ELFN2: variants seen among roughly 807,000 people sequenced by gnomAD.
ELFN2 encodes extracellular leucine rich repeat and fibronectin type III domain containing 2.
A neutral mutation model predicts 45.5 loss-of-function variants in ELFN2; 17 were observed. The observed-to-expected ratio is 0.37, with a 90% confidence interval of 0.26 to 0.56. The LOEUF is 0.56. Ranked by LOEUF, ELFN2 falls within the 20% of genes least tolerant of loss-of-function variation. The pLI, the probability that ELFN2 is intolerant of heterozygous loss-of-function variation, is 0.77. For synonymous variants in ELFN2, 550 were observed against 551.5 expected (o/e 1.00, Z 0.04); for missense variants, 922 against 1,183.2 (o/e 0.78, Z 3.24).
At chr22:37,351,237 C>G (rs1239536644) in intron 1 of ELFN2, among the ~76,000 whole-genome samples, 1 of 149,128 alleles carries the variant, frequency 6.7e-6, no homozygotes, top group Non-Finnish European at 1.5e-5. Context: ...CTCCTCCTCA[C>G]TGTCTTCTCC....
At position 37,383,921 on chromosome 22, in the gene ELFN2, C is replaced by T. The variant is rs369161510; in HGVS notation, c.-462-7925G>A. On this transcript the variant is annotated intron_variant, in intron 2 of 2. Transcript: ENST00000402918. ...CTGGGCCGCTGAGCCGCAGTGTGAC[C>T]TCGGGCAAGTCAGCACCTCATTTCC... 5.9e-5 allele frequency among the ~76,000 whole-genome samples: 9 copies of T among 152,274 alleles called. 1 individual carries two copies. The highest frequency in any genetic ancestry group is 2.2e-4 in the African/African-American group (9 of 41,542).
intron 1 of ELFN2, among the ~76,000 whole-genome samples, chr22:37,349,508 A>G (rs989030513): frequency 2.0e-5 from 3 of 151,140 alleles, no homozygotes; most frequent in Admixed American, 2.0e-4. Context: ...CTACAGCCAC[A>G]CACTCCAATC....
In ELFN2 at chr22:37,373,681, C is replaced by A. The variant is rs1012891029; in HGVS notation, c.1854G>T (p.Leu618=). The A allele has an allele frequency of 6.4e-7, 1 of 1,568,058 alleles. No homozygotes were observed. The highest frequency in any genetic ancestry group is 8.6e-7 in the Non-Finnish European group (1 of 1,160,106). Residue 618 remains leucine, a synonymous_variant, in exon 3 of 3, where the codon CTG becomes CTT. Coordinates refer to ENST00000402918, the MANE Select transcript of ELFN2 (RefSeq NM_052906.5). ...TGCGGGTCACGGCCGCGTCGGCGCT[C>A]AGCTGGCGCTGTAGTGGGTGGTGGG... The part of the protein sequence containing the change: ...ESSHHPLQRQ[L]SADAAVTRKT...
chr22:37,363,623 G>A (rs1931137354), downstream of ELFN2, among the ~76,000 whole-genome samples: 1 of 152,188 alleles, frequency 6.6e-6, no homozygotes, highest in Admixed American at 6.5e-5. Context: ...GGGGCCCTAG[G>A]CCTAGGGAAG....
intron 2 of ELFN2, among the ~76,000 whole-genome samples, chr22:37,392,106 C>T (rs1268891194): frequency 2.6e-5 from 4 of 152,274 alleles, no homozygotes; most frequent in Middle Eastern, 3.4e-3. Context: ...ACAGAAGCAC[C>T]GTCCATCTTA....
intron 1 of ELFN2, among the ~76,000 whole-genome samples, chr22:37,361,193 C>T (rs1423460858): frequency 6.6e-6 from 1 of 152,118 alleles, no homozygotes; most frequent in African/African-American, 2.4e-5. Flanking sequence ...TGAGTTGACC[C>T]TCAGAGCAAG....
rs373147012 is a variant in ELFN2, at chr22:37,388,616, A to AG, written c.-462-12621dup. Among the ~76,000 whole-genome samples, 31 of 152,184 alleles carry AG rather than the reference A, an allele frequency of 2.0e-4. 1 individual carries two copies. Among genetic ancestry groups the AG allele is most frequent in the Middle Eastern group, 6.8e-3 (2 of 294 alleles). The stretch of plus-strand genomic sequence containing the variant: ...CTTCTGCTCCCTGGGGAAGTCGGGG[A>AG]GGGGTCAGCTTTTGCACAGATCTCA... On this transcript the variant is annotated intron_variant, in intron 2 of 2. Coordinates refer to ENST00000402918, the MANE Select transcript of ELFN2 (RefSeq NM_052906.5).
chr22:37,349,205 C>T (rs1569124777), intron 1 of ELFN2, among the ~76,000 whole-genome samples: 1 of 151,404 alleles, frequency 6.6e-6, no homozygotes, highest in South Asian at 2.1e-4. Context: ...AGCCCCGCCA[C>T]TTAGCTGTCG....
intron 1 of ELFN2, among the ~76,000 whole-genome samples, chr22:37,362,248 G>C (rs574873376): frequency 3.5e-4 from 54 of 152,264 alleles, no homozygotes; most frequent in Non-Finnish European, 7.2e-4. Flanking sequence ...CTGTGGCAGG[G>C]ACCCCCTTAA....
chr22:37,423,532 C>A lies in ELFN2; in HGVS notation c.-614+3766G>T, dbSNP rs550415977. Among the ~76,000 whole-genome samples the A allele has an allele frequency of 1.8e-3, 269 of 152,276 alleles. 2 individuals carry two copies. Among genetic ancestry groups the A allele is most frequent in the Non-Finnish European group, 1.1e-3 (73 of 68,030 alleles). On this transcript the variant is annotated intron_variant, in intron 1 of 2. Transcript: ENST00000402918. ...TGTGTGGCCCTGGACTGGTCTGTAA[C>A]CTCTCTGTTTCTTGTCTTCAAAATG...
At chr22:37,360,036 T>C (rs1440098732) in intron 1 of ELFN2, among the ~76,000 whole-genome samples, 4 of 152,220 alleles carry the variant, frequency 2.6e-5, no homozygotes, top group African/African-American at 9.7e-5. Context: ...CTTCCGGGTA[T>C]TGCTATAGAC....
chr22:37,419,325 C>CTA (rs1423112975), intron 1 of ELFN2, among the ~76,000 whole-genome samples: 3 of 151,776 alleles, frequency 2.0e-5, no homozygotes, highest in Non-Finnish European at 1.5e-5. Context: ...GAGGCACACA[C>CTA]TATACCCTAA....
At chr22:37,356,574 C>A (rs1215339354) in intron 1 of ELFN2, among the ~76,000 whole-genome samples, 1 of 152,148 alleles carries the variant, frequency 6.6e-6, no homozygotes, top group African/African-American at 2.4e-5. Context: ...CAGGCGTGAA[C>A]GTCTTTCCTC....
chr22:37,341,762 G>A (rs1164148484), intron 2 of ELFN2, among the ~76,000 whole-genome samples: 1 of 152,196 alleles, frequency 6.6e-6, no homozygotes, highest in Non-Finnish European at 1.5e-5. Context: ...TACTGGTTTC[G>A]TTGGTGAACT....
In ELFN2 at chr22:37,374,137, G is replaced by T; in HGVS notation, c.1398C>A (p.Pro466=). The T allele has an allele frequency of 6.2e-7, 1 of 1,612,972 alleles. No homozygotes were observed. The part of the protein sequence containing the change: ...AQKLGEPPVL[P]VSRMASIPSM... ...AGGGGATGGAGGCCATGCGAGATAC[G>T]GGCAGCACGGGAGGCTCGCCCAGCT... is the stretch of plus-strand genomic sequence containing the variant. Residue 466 remains proline, a synonymous_variant, in exon 3 of 3, where the codon CCC becomes CCA. Coordinates refer to ENST00000402918, the MANE Select transcript of ELFN2 (RefSeq NM_052906.5).
At position 37,350,298 on chromosome 22, in the gene ELFN2, G is replaced by T. The variant is rs145572635; in HGVS notation, n.149-7595C>A. On this transcript the variant is annotated intron_variant and non_coding_transcript_variant, in intron 1 of 2. Transcript: ENST00000452946. Reference sequence around the variant, plus strand: ...GGAGCCAAGGAAATGATTCAGTTTTGTTCCTGGAGGCAAAAGAAGTTCCAT... The same window carrying T: ...GGAGCCAAGGAAATGATTCAGTTTTTTTCCTGGAGGCAAAAGAAGTTCCAT... 2.7e-3 allele frequency among the ~76,000 whole-genome samples: 409 copies of T among 151,014 alleles called. 29 individuals carry two copies. Among genetic ancestry groups the T allele is most frequent in the Non-Finnish European group, 4.6e-3 (311 of 67,240 alleles).
At chr22:37,402,330 C>A (rs9306317) in intron 2 of ELFN2, among the ~76,000 whole-genome samples, 6 of 152,036 alleles carry the variant, frequency 3.9e-5, no homozygotes, top group South Asian at 2.1e-4. Flanking sequence ...TGGCAGACTC[C>A]GTGTTGACAC....
In ELFN2 at chr22:37,349,509, C is replaced by T. The variant is rs1204828535; in HGVS notation, n.149-6806G>A. On this transcript the variant is annotated intron_variant and non_coding_transcript_variant, in intron 1 of 2. Coordinates refer to ENST00000452946, the Ensembl canonical transcript of ELFN2. ...GCGTCTGCTCCCTCCTACAGCCACA[C>T]ACTCCAATCTCCAGCCTGGCACAGG... Among the ~76,000 whole-genome samples the T allele has an allele frequency of 5.3e-5, 8 of 151,256 alleles. No individual in the cohort carries two copies. The East Asian group carries it at 1.5e-3, about 29-fold the overall frequency.
chr22:37,366,111 G>A (rs1021751927), downstream of ELFN2, among the ~76,000 whole-genome samples: 9 of 152,222 alleles, frequency 5.9e-5, no homozygotes, highest in Admixed American at 3.3e-4. Flanking sequence ...AAGGGAAGCA[G>A]ATACGCGACA....
Sources: gnomAD v4.1 joint callset for allele counts (sites outside exome capture counted in the v4.1 genomes callset) on GRCh38, gnomAD v4.1.1 for gene constraint, MANE v1.5 for transcripts, NCBI Gene and HGNC (gene_info 2026-07-23, HGNC 2026-07-21) for gene names.